The following MAPK10 variants were observed in gnomAD, a reference collection of about 807,000 sequenced individuals.
MAPK10 encodes the protein JNK3 alpha protein kinase.
A neutral mutation model predicts 59.3 loss-of-function variants in MAPK10; 25 were observed. That is an observed-to-expected ratio of 0.42 (90% CI 0.31 to 0.59). The LOEUF is 0.59. Ranked by LOEUF, MAPK10 falls within the 20% of genes least tolerant of loss-of-function variation. The pLI is 0.15. For missense variants in MAPK10, 351 were observed against 568.9 expected (o/e 0.62, Z 3.90); for synonymous variants, 190 against 200.5 (o/e 0.95, Z 0.44).
chr4:86,262,166 A>G (rs922195), intron 2 of MAPK10, among the ~76,000 whole-genome samples: 69,015 of 152,142 alleles, frequency 0.45, 17,782 homozygotes, highest in African/African-American at 0.71. Context: ...TGGGACTTTT[A>G]AGAGGTGATT....
At chr4:86,439,983 G>A (rs1385461097) in intron 1 of MAPK10, among the ~76,000 whole-genome samples, 1 of 152,074 alleles carries the variant, frequency 6.6e-6, no homozygotes, top group Admixed American at 6.6e-5. Flanking sequence ...AACATTTAAG[G>A]GAAATCCTCT....
At chr4:86,541,888 G>A (rs903486484) in intron 1 of MAPK10, among the ~76,000 whole-genome samples, 1 of 150,380 alleles carries the variant, frequency 6.6e-6, no homozygotes, top group Non-Finnish European at 1.5e-5. Flanking sequence ...ACTAAAGAAA[G>A]AAGCCCAGCT....
intron 1 of MAPK10, among the ~76,000 whole-genome samples, chr4:86,574,084 T>C (rs1348428963): frequency 2.0e-5 from 3 of 151,804 alleles, no homozygotes; most frequent in Non-Finnish European, 4.4e-5. Context: ...GTCCCCAGAG[T>C]GTGATGTTCC....
At chr4:86,587,545 C>A (rs1225430295) in intron 1 of MAPK10, among the ~76,000 whole-genome samples, 1 of 152,176 alleles carries the variant, frequency 6.6e-6, no homozygotes, top group East Asian at 1.9e-4. Context: ...GATTACTTAT[C>A]TTGCTTCTGC....
rs545267978 is a variant in MAPK10, at chr4:86,378,438, C to T, written c.-121-23794G>A. 8.5e-5 allele frequency among the ~76,000 whole-genome samples: 13 copies of T among 152,280 alleles called. No individual in the cohort carries two copies. In the East Asian group the frequency reaches 1.2e-3, roughly 14 times the overall value. ...CAAGCCTGTCTAAAATAGTACCCCA[C>T]ATCACCTCTATCCCTTACTCACTGG... On this transcript the variant is annotated intron_variant, in intron 1 of 13. Transcript: ENST00000361569.
At chr4:86,291,464 C>A (rs187525301) in intron 2 of MAPK10, among the ~76,000 whole-genome samples, 2 of 152,170 alleles carry the variant, frequency 1.3e-5, no homozygotes, top group African/African-American at 4.8e-5. Context: ...CCCAAGCATG[C>A]CCCAACTCTG....
rs117830911 is a variant in MAPK10, at chr4:86,204,091, A to G, written c.-6-9684T>C. Among the ~76,000 whole-genome samples the G allele has an allele frequency of 5.9e-5, 9 of 152,014 alleles. No individual in the cohort carries two copies. The East Asian group carries it at 1.6e-3, about 26-fold the overall frequency. The stretch of plus-strand genomic sequence containing the variant: ...TCACATTACAGTGGCAAAACTGAGT[A>G]ATCGTGAGAGGAACTGCATAAGCTA... On this transcript the variant is annotated intron_variant, in intron 2 of 13. Transcript: ENST00000641462.
intron 2 of MAPK10, among the ~76,000 whole-genome samples, chr4:86,251,979 G>C (rs1583519103): frequency 8.4e-6 from 1 of 118,674 alleles, no homozygotes; most frequent in Non-Finnish European, 1.6e-5. Context: ...GTCTTCTTTT[G>C]AGAAGTGTCT....
chr4:86,244,559 C>A (rs893250022), intron 2 of MAPK10, among the ~76,000 whole-genome samples: 1 of 152,140 alleles, frequency 6.6e-6, no homozygotes, highest in African/African-American at 2.4e-5. Context: ...ATAATAGCAT[C>A]CTTCAGCATG....
chr4:86,022,144 G>C (rs938105705), intron 13 of MAPK10, among the ~76,000 whole-genome samples: 2 of 152,234 alleles, frequency 1.3e-5, no homozygotes, highest in African/African-American at 4.8e-5. Flanking sequence ...CGAGGGCTCT[G>C]AGGACTGCCA....
chr4:86,396,437 G>A (rs1449996172), intron 1 of MAPK10, among the ~76,000 whole-genome samples: 1 of 152,190 alleles, frequency 6.6e-6, no homozygotes. Flanking sequence ...TGGCTGTTGA[G>A]CACTTCAAAT....
At chr4:86,324,404 A>G (rs1002808756) in intron 2 of MAPK10, among the ~76,000 whole-genome samples, 1 of 151,856 alleles carries the variant, frequency 6.6e-6, no homozygotes, top group Non-Finnish European at 1.5e-5. Flanking sequence ...AGAGCAAGGG[A>G]AACTCCACCT....
At chr4:86,165,862 T>C (rs1344068296) in intron 3 of MAPK10, among the ~76,000 whole-genome samples, 1 of 152,110 alleles carries the variant, frequency 6.6e-6, no homozygotes, top group East Asian at 1.9e-4. Context: ...CATTAGTTAG[T>C]TGGCCTAGAG....
At chr4:86,216,574 A>G (rs897084651) in intron 2 of MAPK10, among the ~76,000 whole-genome samples, 1 of 151,780 alleles carries the variant, frequency 6.6e-6, no homozygotes, top group Non-Finnish European at 1.5e-5. Context: ...GTAATCAAAT[A>G]TCTATATTTT....
At chr4:86,374,535 C>G in intron 1 of MAPK10, among the ~76,000 whole-genome samples, 1 of 152,162 alleles carries the variant, frequency 6.6e-6, no homozygotes. Flanking sequence ...GCAGTCAGAG[C>G]AGCTATGACC....
chr4:86,445,687 C>T (rs1749948807), intron 1 of MAPK10, among the ~76,000 whole-genome samples: 1 of 152,176 alleles, frequency 6.6e-6, no homozygotes, highest in Non-Finnish European at 1.5e-5. Flanking sequence ...CATCTGACTT[C>T]TCAGAAGCCA....
At chr4:86,295,138 A>G (rs993467530) in intron 2 of MAPK10, among the ~76,000 whole-genome samples, 2 of 152,234 alleles carry the variant, frequency 1.3e-5, no homozygotes, top group Non-Finnish European at 2.9e-5. Context: ...ATTACGTGTT[A>G]GGACACAGCC....
chr4:86,589,984 A>T (rs1565086839), intron 1 of MAPK10, among the ~76,000 whole-genome samples: 2 of 92,634 alleles, frequency 2.2e-5, no homozygotes. Flanking sequence ...ACTCCATCTT[A>T]AAAAAAAAAA....
chr4:86,510,713 A>T (rs919838518), intron 1 of MAPK10, among the ~76,000 whole-genome samples: 1 of 152,212 alleles, frequency 6.6e-6, no homozygotes, highest in Non-Finnish European at 1.5e-5. Flanking sequence ...ATTAATAAAG[A>T]GTAAAATCCT....
Sources: gnomAD v4.1 joint callset for allele counts (sites outside exome capture counted in the v4.1 genomes callset) on GRCh38, gnomAD v4.1.1 for gene constraint, MANE v1.5 for transcripts, NCBI Gene and HGNC (gene_info 2026-07-23, HGNC 2026-07-21) for gene names.